FLVCR1: variants seen among roughly 807,000 people sequenced by gnomAD.
The protein encoded by FLVCR1 is FLVCR choline and heme transporter 1.
FLVCR1 carries 34 observed loss-of-function variants against 53.6 expected under a neutral mutation model. That is an observed-to-expected ratio of 0.63 (90% CI 0.48 to 0.84). The LOEUF is 0.84. Ranked by LOEUF, FLVCR1 falls within the 40% of genes least tolerant of loss-of-function variation. The pLI, the probability that FLVCR1 is intolerant of heterozygous loss-of-function variation, is 0.00. For synonymous variants in FLVCR1, 300 were observed against 286.3 expected (o/e 1.05, Z -0.48); for missense variants, 677 against 696.7 (o/e 0.97, Z 0.32).
chr1:212,871,318 GT>G (rs1664588918), intron 2 of FLVCR1, among the ~76,000 whole-genome samples: 1 of 152,172 alleles, frequency 6.6e-6, no homozygotes, highest in South Asian at 2.1e-4. Context: ...AGAGTTTAAA[GT>G]TTTGAGTCAA....
At chr1:212,863,582 CAA>C (rs3086478) in intron 1 of FLVCR1, 141 bp from the exon 2 acceptor site, 1,911 of 598,794 alleles carry the variant, frequency 3.2e-3, no homozygotes, top group Middle Eastern at 5.5e-3. Context: ...GACTTTGTCT[CAA>C]AAAAAAAAAA....
chr1:212,869,168 G>A (rs1664529101), intron 2 of FLVCR1, among the ~76,000 whole-genome samples: 2 of 152,224 alleles, frequency 1.3e-5, no homozygotes, highest in South Asian at 2.1e-4. Flanking sequence ...TGTGGTGCTC[G>A]AGAATATTTT....
In FLVCR1 at chr1:212,858,988, TG is replaced by T. The variant is rs1216093309; in HGVS notation, c.539del (p.Gly180AlafsTer80). 6.2e-7 allele frequency: 1 copy of T among 1,613,844 alleles called. No homozygotes were observed. Among genetic ancestry groups the T allele is most frequent in the Non-Finnish European group, 8.5e-7 (1 of 1,179,766 alleles). Reference sequence around the variant, plus strand: ...AGAGGCCTGCGGCTCACCGCCCTGCTGGGCTCCGGCCTCAACTGCCTGGGTG... The same window carrying T: ...AGAGGCCTGCGGCTCACCGCCCTGCTGGCTCCGGCCTCAACTGCCTGGGTG... ...DTRGLRLTAL[L>X]GSGLNCLGAW... On this transcript the variant is annotated frameshift_variant, in exon 1 of 10. Coordinates refer to ENST00000366971, the MANE Select transcript of FLVCR1 (RefSeq NM_014053.4). LOFTEE classifies it high-confidence loss of function.
chr1:212,874,671 G>A (rs1193196856), intron 3 of FLVCR1, among the ~76,000 whole-genome samples: 1 of 151,548 alleles, frequency 6.6e-6, no homozygotes, highest in Non-Finnish European at 1.5e-5. Context: ...TGAGATTACA[G>A]GCACATGCCA....
At chr1:212,885,519 C>CTAG in intron 5 of FLVCR1, 123 bp downstream of exon 5, 1 of 632,104 alleles carries the variant, frequency 1.6e-6, no homozygotes, top group South Asian at 1.8e-5. Flanking sequence ...ATTCTAAACA[C>CTAG]TAGTAGGTTC....
rs367576230 is a variant in FLVCR1, at chr1:212,858,852, G to A, written c.400G>A (p.Val134Ile). The A allele has an allele frequency of 1.4e-5, 22 of 1,614,112 alleles. No individual in the cohort carries two copies. Among genetic ancestry groups the A allele is most frequent in the Admixed American group, 5.0e-5 (3 of 60,008 alleles). The change falls in exon 1 of 10, where the codon GTC (valine) becomes ATC (isoleucine). Residue 134 changes from valine (V) to isoleucine (I), a missense_variant. Physicochemically the swap from Val to Ile is conservative, Grantham distance 29 (BLOSUM62 3). Transcript: ENST00000366971. ...GATCCAGTACAGCATCATTAGCAAC[G>A]TCTTCGAGGGCTTCTACGGTGTCAC... ...QWIQYSIISN[V>I]FEGFYGVTLL... is the part of the protein sequence containing the mutation.
chr1:212,867,804 C>CT (rs34803914), intron 2 of FLVCR1, among the ~76,000 whole-genome samples: 129 of 122,996 alleles, frequency 1.0e-3, no homozygotes, highest in Middle Eastern at 4.5e-3. Context: ...CATAATTTTA[C>CT]TTTTTTTTTT....
intron 1 of FLVCR1, among the ~76,000 whole-genome samples, chr1:212,860,616 T>C (rs1455232585): frequency 1.3e-5 from 2 of 152,168 alleles, no homozygotes; most frequent in Non-Finnish European, 2.9e-5. Flanking sequence ...ATTCTCCTTA[T>C]AGCACTCATC....
chr1:212,858,303 G>A lies in FLVCR1; in HGVS notation c.-150G>A. Reference sequence around the variant, plus strand: ...CCTTCATCTGTTCACGCGGTAGCGCGGATTGCGGTTCGCGGCGCGCGCCAC... The same window carrying A: ...CCTTCATCTGTTCACGCGGTAGCGCAGATTGCGGTTCGCGGCGCGCGCCAC... On this transcript the variant is annotated 5_prime_UTR_variant, in exon 1 of 10. Coordinates refer to ENST00000366971, the MANE Select transcript of FLVCR1 (RefSeq NM_014053.4). 1 of 762,246 alleles carries A rather than the reference G, an allele frequency of 1.3e-6. No individual in the cohort carries two copies. Among genetic ancestry groups the A allele is most frequent in the Non-Finnish European group, 2.0e-6 (1 of 500,736 alleles). The allele number at this position is 762,246 out of a possible 1,614,324, so 47.2% of individuals were successfully genotyped here. A position where few individuals can be genotyped will look rare whatever the true frequency, so the allele number is the denominator to read the frequency against.
At chr1:212,861,687 T>A (rs1175351297) in intron 1 of FLVCR1, among the ~76,000 whole-genome samples, 1 of 152,130 alleles carries the variant, frequency 6.6e-6, no homozygotes, top group African/African-American at 2.4e-5. Flanking sequence ...TTATTTATTT[T>A]GAGATGGAGT....
intron 1 of FLVCR1, among the ~76,000 whole-genome samples, chr1:212,860,349 G>GTTTTTTTTTTTTTTTTTT (rs1436823234): frequency 8.8e-5 from 5 of 56,632 alleles, no homozygotes; most frequent in Admixed American, 6.1e-4. Flanking sequence ...TTGTGTGTGT[G>GTTTTTTTTTTTTTTTTTT]GTTTTTTTTT....
chr1:212,887,864 C>A (rs370684480), intron 5 of FLVCR1, 27 bp from the exon 6 acceptor site: 2 of 1,189,692 alleles, frequency 1.7e-6, no homozygotes, highest in Non-Finnish European at 2.5e-6. Context: ...AGACAAAATA[C>A]TAACAGCTTT....
intron 2 of FLVCR1, among the ~76,000 whole-genome samples, chr1:212,871,469 C>G (rs749378967): frequency 1.3e-5 from 2 of 152,098 alleles, no homozygotes; most frequent in Non-Finnish European, 2.9e-5. Flanking sequence ...GTGATATGAT[C>G]CCAGCTCACT....
Position 212,889,269 on chromosome 1 carries a change from C to T in FLVCR1, c.1525+12C>T, listed in dbSNP as rs372644357. On this transcript the variant is annotated intron_variant, in intron 8 of 9. Transcript: ENST00000366971. ...CATCATATTAACAGGTAAATTAGGG[C>T]GTTTGCCTGGCAAAAGGACTTGTGT... 7.1e-5 allele frequency: 108 copies of T among 1,523,696 alleles called. No homozygotes were observed. Among genetic ancestry groups the T allele is most frequent in the Admixed American group, 3.8e-4 (23 of 59,864 alleles). The allele number at this position is 1,523,696 out of a possible 1,614,324, so 94.4% of individuals were successfully genotyped here.
intron 2 of FLVCR1, among the ~76,000 whole-genome samples, chr1:212,868,931 TGA>T (rs1343899625): frequency 3.3e-5 from 5 of 152,204 alleles, no homozygotes; most frequent in African/African-American, 1.2e-4. Context: ...GCTGTAAAGG[TGA>T]GAGACAGGAG....
chr1:212,884,529 A>G (rs1665008846), intron 4 of FLVCR1, among the ~76,000 whole-genome samples: 1 of 152,246 alleles, frequency 6.6e-6, no homozygotes, highest in Non-Finnish European at 1.5e-5. Context: ...AAACATTTTA[A>G]GGGAACTCAG....
At chr1:212,879,254 T>G (rs1208533169) in intron 3 of FLVCR1, among the ~76,000 whole-genome samples, 1 of 152,118 alleles carries the variant, frequency 6.6e-6, no homozygotes, top group Non-Finnish European at 1.5e-5. Flanking sequence ...TGTGGAGAGT[T>G]CAACAGTATT....
chr1:212,885,843 G>A (rs568858862), intron 5 of FLVCR1, among the ~76,000 whole-genome samples: 6 of 151,080 alleles, frequency 4.0e-5, no homozygotes, highest in South Asian at 2.1e-4. Context: ...GAGCCACCGC[G>A]CCCAGCAACA....
At position 212,858,430 on chromosome 1, in the gene FLVCR1, G is replaced by A; in HGVS notation, c.-23G>A. On this transcript the variant is annotated 5_prime_UTR_variant, in exon 1 of 10. Coordinates refer to ENST00000366971, the MANE Select transcript of FLVCR1 (RefSeq NM_014053.4). Reference sequence around the variant, plus strand: ...GTCGGGGAGTGGGGCGGGGGAGCGAGGTGGCGCCGGGGAGCCTGGGATATG... The same window carrying A: ...GTCGGGGAGTGGGGCGGGGGAGCGAAGTGGCGCCGGGGAGCCTGGGATATG... 1 of 1,430,838 alleles carries A rather than the reference G, an allele frequency of 7.0e-7. No homozygotes were observed. Among genetic ancestry groups the A allele is most frequent in the South Asian group, 1.5e-5 (1 of 67,592 alleles). The allele number at this position is 1,430,838 out of a possible 1,614,324, so 88.6% of individuals were successfully genotyped here. A position where few individuals can be genotyped will look rare whatever the true frequency, so the allele number is the denominator to read the frequency against.
Sources: allele counts gnomAD v4.1 joint callset (sites outside exome capture counted in the v4.1 genomes callset), GRCh38; gene constraint gnomAD v4.1.1; transcripts MANE v1.5; gene names NCBI Gene and HGNC (gene_info 2026-07-23, HGNC 2026-07-21).